Variants in ACVR1B observed in about 807,000 individuals in gnomAD.
ACVR1B encodes activin A receptor type 1B, also known as activin receptor type-1B.
In ACVR1B, 15 loss-of-function variants were observed where a neutral mutation model predicts 55.6. The ratio of observed to expected loss-of-function variants is 0.27; its 90% CI spans 0.18 to 0.42. ACVR1B has a LOEUF of 0.42. Ranked by LOEUF, ACVR1B falls within the 10% of genes least tolerant of loss-of-function variation. The pLI, the probability that ACVR1B is intolerant of heterozygous loss-of-function variation, is 1.00. For missense variants in ACVR1B, 359 were observed against 670.1 expected, an observed-to-expected ratio of 0.54 and a Z score of 5.13; for synonymous variants, 247 against 254.6, an observed-to-expected ratio of 0.97 and a Z score of 0.28.
intron 1 of ACVR1B, among the ~76,000 whole-genome samples, chr12:51,956,730 C>T (rs1235708511): frequency 2.6e-5 from 4 of 151,594 alleles, no homozygotes; most frequent in South Asian, 2.1e-4. Context: ...CTTTTTCAAC[C>T]TGTCAATACA....
At chr12:51,974,110 T>C (rs1468602468) in intron 1 of ACVR1B, among the ~76,000 whole-genome samples, 1 of 152,200 alleles carries the variant, frequency 6.6e-6, no homozygotes, top group Admixed American at 6.5e-5. Flanking sequence ...TCCCACTTGT[T>C]ATCCAGATAG....
intron 1 of ACVR1B, among the ~76,000 whole-genome samples, chr12:51,966,460 T>A (rs1226053563): frequency 5.3e-5 from 8 of 152,224 alleles, no homozygotes; most frequent in Admixed American, 2.0e-4. Flanking sequence ...CATTTTATTT[T>A]ATTTTTGAGG....
Position 51,976,546 on chromosome 12 carries a change from A to G in ACVR1B, c.551A>G (p.Tyr184Cys). Residue 184 changes from tyrosine to cysteine, a missense_variant, in exon 3 of 9, where the codon TAC becomes TGC. Transcript: ENST00000257963. ...GACAAGACGCTCCAGGATCTTGTCT[A>G]CGATCTCTCCACCTCAGGGTCTGGC... is the stretch of plus-strand genomic sequence containing the variant. The part of the protein sequence containing the change: ...SKDKTLQDLV[Y>C]DLSTSGSGSG... The G allele has an allele frequency of 6.2e-7, 1 of 1,613,716 alleles. No homozygotes were observed. The highest frequency in any genetic ancestry group is 8.5e-7 in the Non-Finnish European group (1 of 1,180,040).
At chr12:51,988,909 G>A (rs1473031791) in intron 7 of ACVR1B, among the ~76,000 whole-genome samples, 1 of 152,112 alleles carries the variant, frequency 6.6e-6, no homozygotes, top group African/African-American at 2.4e-5. Context: ...CCTGAGGCCA[G>A]GAGTTTGAGA....
At chr12:51,987,447 C>G (rs890267918) in intron 7 of ACVR1B, 1 of 353,032 alleles carries the variant, frequency 2.8e-6, no homozygotes, top group Non-Finnish European at 5.1e-6. Flanking sequence ...TTTGCAGCTG[C>G]TTATTCATGA....
chr12:51,979,081 T>G (rs1213155954), intron 3 of ACVR1B, among the ~76,000 whole-genome samples: 1 of 146,710 alleles, frequency 6.8e-6, no homozygotes, highest in Non-Finnish European at 1.5e-5. Flanking sequence ...GAGAATTGCT[T>G]GAACCCGGGA....
chr12:51,986,395 A>G (rs1337659701), intron 6 of ACVR1B, among the ~76,000 whole-genome samples: 1 of 152,144 alleles, frequency 6.6e-6, no homozygotes, highest in South Asian at 2.1e-4. Flanking sequence ...AGTAGCTGGG[A>G]TTACAGGCGC....
chr12:51,964,805 G>A (rs972161941), intron 1 of ACVR1B, among the ~76,000 whole-genome samples: 6 of 152,048 alleles, frequency 3.9e-5, no homozygotes, highest in Non-Finnish European at 7.3e-5. Flanking sequence ...TTCTCAATTC[G>A]GTTCTGTTGG....
intron 1 of ACVR1B, among the ~76,000 whole-genome samples, chr12:51,955,219 T>C (rs761403213): frequency 1.3e-5 from 2 of 152,254 alleles, no homozygotes; most frequent in Admixed American, 1.3e-4. Flanking sequence ...CTGAGGACTT[T>C]ATCCAAAAGG....
At chr12:51,976,298 C>T (rs1592252815) in intron 2 of ACVR1B, 29 bp from the exon 3 acceptor site, 1 of 1,612,720 alleles carries the variant, frequency 6.2e-7, no homozygotes, top group Non-Finnish European at 8.5e-7. Flanking sequence ...ACTTCTCATT[C>T]TTTCCCTCTC....
chr12:51,982,181 GGT>G (rs1404287939), intron 4 of ACVR1B, among the ~76,000 whole-genome samples: 1 of 152,190 alleles, frequency 6.6e-6, no homozygotes, highest in Non-Finnish European at 1.5e-5. Context: ...TTGAGACAAA[GGT>G]GGCAAGAACT....
chr12:51,987,357 T>C (rs1565621810), intron 7 of ACVR1B: 2 of 486,530 alleles, frequency 4.1e-6, no homozygotes, highest in Non-Finnish European at 7.2e-6. Context: ...AAAATAATAG[T>C]GCTAATTTCT....
intron 1 of ACVR1B, among the ~76,000 whole-genome samples, chr12:51,967,225 G>GC (rs1264866975): frequency 6.8e-6 from 1 of 146,968 alleles, no homozygotes; most frequent in Non-Finnish European, 1.5e-5. Context: ...GGGCGACAGC[G>GC]CGAGACTCCG....
At chr12:51,977,523 T>TAAG (rs1328259300) in intron 3 of ACVR1B, among the ~76,000 whole-genome samples, 1 of 152,130 alleles carries the variant, frequency 6.6e-6, no homozygotes, top group Admixed American at 6.5e-5. Context: ...TCTTGTGTTC[T>TAAG]TGACCTCAAG....
Position 51,987,227 on chromosome 12 carries a change from G to A in ACVR1B, c.1261+285G>A, listed in dbSNP as rs532191867. ...CATTGTTTTATTAGTCCGTGGCGGG[G>A]AGTGCCCCGGTGCGCATAGCACGGG... On this transcript the variant is annotated intron_variant, in intron 7 of 8. Coordinates refer to ENST00000257963, the MANE Select transcript of ACVR1B (RefSeq NM_004302.5). The A allele has an allele frequency of 4.3e-5, 28 of 651,774 alleles. No homozygotes were observed. The African/African-American group carries it at 4.9e-4, about 11-fold the overall frequency. 40.4% of individuals were successfully genotyped at this position (651,774 alleles called of 1,614,324 possible). A position where few individuals can be genotyped will look rare whatever the true frequency, so the allele number is the denominator to read the frequency against.
At chr12:51,971,149 G>A (rs1941740482) in intron 1 of ACVR1B, among the ~76,000 whole-genome samples, 1 of 152,164 alleles carries the variant, frequency 6.6e-6, no homozygotes, top group Non-Finnish European at 1.5e-5. Flanking sequence ...AGCTGTGTTA[G>A]GCGCCTCTAT....
At position 51,976,595 on chromosome 12, in the gene ACVR1B, A is replaced by G; in HGVS notation, c.580+20A>G. On this transcript the variant is annotated intron_variant, in intron 3 of 8. Coordinates refer to ENST00000257963, the MANE Select transcript of ACVR1B (RefSeq NM_004302.5). The stretch of plus-strand genomic sequence containing the variant: ...GCTCAGGTACCAAGTTCTTCAGGGC[A>G]TCATGTCTGTGGTTGGCTTTCATCA... The G allele has an allele frequency of 1.2e-6, 2 of 1,611,098 alleles. No individual in the cohort carries two copies. Among genetic ancestry groups the G allele is most frequent in the Non-Finnish European group, 1.7e-6 (2 of 1,179,264 alleles).
chr12:51,982,575 T>G (rs907941686), intron 4 of ACVR1B: 4 of 1,205,578 alleles, frequency 3.3e-6, no homozygotes, highest in Middle Eastern at 2.1e-4. Context: ...TGTGGAAGGG[T>G]CTCTCTAGCA....
intron 2 of ACVR1B, among the ~76,000 whole-genome samples, chr12:51,975,885 C>G (rs977551077): frequency 6.6e-6 from 1 of 152,150 alleles, no homozygotes; most frequent in African/African-American, 2.4e-5. Flanking sequence ...GAGGAGGGAC[C>G]AGAATAGGAA....
Sources: allele counts gnomAD v4.1 joint callset (sites outside exome capture counted in the v4.1 genomes callset), GRCh38; gene constraint gnomAD v4.1.1; transcripts MANE v1.5; gene names NCBI Gene and HGNC (gene_info 2026-07-23, HGNC 2026-07-21).